MYT1L: variants seen among roughly 807,000 people sequenced by gnomAD.
The protein encoded by MYT1L is myelin transcription factor 1 like.
A neutral mutation model predicts 126.7 loss-of-function variants in MYT1L; 12 were observed. The ratio of observed to expected loss-of-function variants is 0.09; its 90% CI spans 0.06 to 0.15. The LOEUF is 0.15. Ranked by LOEUF, MYT1L falls within the 10% of genes least tolerant of loss-of-function variation. The pLI, the probability that MYT1L is intolerant of heterozygous loss-of-function variation, is 1.00. For synonymous variants in MYT1L, 541 were observed against 604.2 expected, an observed-to-expected ratio of 0.90 and a Z score of 1.53; for missense variants, 979 against 1,585.2, an observed-to-expected ratio of 0.62 and a Z score of 6.49.
chr2:1,905,894 CTAACT>C (rs1349074896), intron 13 of MYT1L, among the ~76,000 whole-genome samples: 1 of 152,170 alleles, frequency 6.6e-6, no homozygotes, highest in South Asian at 2.1e-4. Flanking sequence ...TGTTCCTTTC[CTAACT>C]TATTTTCCAC....
intron 19 of MYT1L, among the ~76,000 whole-genome samples, chr2:1,850,595 C>T (rs772101001): frequency 1.1e-4 from 16 of 152,164 alleles, no homozygotes; most frequent in Admixed American, 7.9e-4. Flanking sequence ...TTGAGCTCCT[C>T]TGGGTCCTTT....
At chr2:2,212,313 G>A (rs1185792994) in intron 2 of MYT1L, among the ~76,000 whole-genome samples, 8 of 151,358 alleles carry the variant, frequency 5.3e-5, no homozygotes, top group South Asian at 4.2e-4. Flanking sequence ...AGGAGCAGGC[G>A]AAATTTTAGG....
chr2:1,972,008 T>C (rs2059846626), intron 8 of MYT1L, among the ~76,000 whole-genome samples: 1 of 152,148 alleles, frequency 6.6e-6, no homozygotes, highest in Non-Finnish European at 1.5e-5. Flanking sequence ...ATATCAGTGA[T>C]GAATAGTACA....
At chr2:1,809,226 G>GCTGGGAC in intron 21 of MYT1L, 59 bp from the exon 22 acceptor site, 2 of 1,519,288 alleles carry the variant, frequency 1.3e-6, no homozygotes, top group Non-Finnish European at 1.8e-6. Context: ...GCCCTGCAGG[G>GCTGGGAC]AAGTGGTGGT....
chr2:1,886,760 A>C (rs2048229617), intron 17 of MYT1L, among the ~76,000 whole-genome samples, 153 bp from the exon 18 acceptor site: 1 of 152,244 alleles, frequency 6.6e-6, no homozygotes, highest in Non-Finnish European at 1.5e-5. Flanking sequence ...ATTAATTCTG[A>C]ATCGGTTCGA....
chr2:2,197,958 G>A (rs1305746477), intron 2 of MYT1L, among the ~76,000 whole-genome samples: 1 of 151,350 alleles, frequency 6.6e-6, no homozygotes, highest in African/African-American at 2.4e-5. Context: ...TGCATACAAT[G>A]AATATGTATA....
chr2:1,951,638 G>A (rs932416728), intron 8 of MYT1L, among the ~76,000 whole-genome samples: 7 of 152,160 alleles, frequency 4.6e-5, no homozygotes, highest in Non-Finnish European at 7.4e-5. Flanking sequence ...CTGTTTAACC[G>A]CGGGAGATGT....
chr2:2,101,699 T>G (rs1020434390), intron 3 of MYT1L, among the ~76,000 whole-genome samples: 4 of 152,008 alleles, frequency 2.6e-5, no homozygotes, highest in African/African-American at 9.7e-5. Flanking sequence ...CATCCATCCA[T>G]CCATTAATCC....
chr2:2,312,317 A>G (rs546275310), intron 1 of MYT1L, among the ~76,000 whole-genome samples: 1 of 152,198 alleles, frequency 6.6e-6, no homozygotes, highest in African/African-American at 2.4e-5. Flanking sequence ...TTTCACCTGC[A>G]TGCACTTCTA....
At chr2:2,262,364 AAAACAAAC>A (rs900740084) in intron 2 of MYT1L, among the ~76,000 whole-genome samples, 1 of 152,054 alleles carries the variant, frequency 6.6e-6, no homozygotes, top group Non-Finnish European at 1.5e-5. Context: ...ACTCCGTCTC[AAAACAAAC>A]AAACAAACAA....
At chr2:2,147,240 T>A (rs1484358197) in intron 3 of MYT1L, among the ~76,000 whole-genome samples, 1 of 152,200 alleles carries the variant, frequency 6.6e-6, no homozygotes, top group Non-Finnish European at 1.5e-5. Flanking sequence ...GACAGCCTCC[T>A]CAGCCTGGAT....
intron 18 of MYT1L, among the ~76,000 whole-genome samples, chr2:1,857,139 G>T (rs906896476): frequency 6.6e-6 from 1 of 152,140 alleles, no homozygotes; most frequent in African/African-American, 2.4e-5. Flanking sequence ...TCAGGGCCTG[G>T]GAGTCCTCCC....
At chr2:2,267,217 C>T (rs1329670285) in intron 2 of MYT1L, among the ~76,000 whole-genome samples, 1 of 152,218 alleles carries the variant, frequency 6.6e-6, no homozygotes, top group Non-Finnish European at 1.5e-5. Flanking sequence ...AGCAACAGCC[C>T]TGTGCTAGCT....
chr2:1,873,823 T>C (rs1290402637), intron 18 of MYT1L, among the ~76,000 whole-genome samples: 1 of 152,042 alleles, frequency 6.6e-6, no homozygotes, highest in Admixed American at 6.6e-5. Context: ...AGTAGACAAG[T>C]TCTAAAGAGT....
At chr2:2,085,486 C>A (rs1184087351) in intron 3 of MYT1L, among the ~76,000 whole-genome samples, 1 of 152,166 alleles carries the variant, frequency 6.6e-6, no homozygotes, top group Non-Finnish European at 1.5e-5. Context: ...CCCTTTCCCA[C>A]CCCCAGAATA....
rs1375024171 is a variant in MYT1L, at chr2:1,789,713, A to C, written c.*2154T>G. On this transcript the variant is annotated 3_prime_UTR_variant, in exon 25 of 25. Transcript: ENST00000647738. Reference sequence around the variant, plus strand: ...TATGAACAATGGGGGCCCTAAAGGCAGCTGGGGCCCTGGGCCACACGGACG... The same window carrying C: ...TATGAACAATGGGGGCCCTAAAGGCCGCTGGGGCCCTGGGCCACACGGACG... 6.6e-6 allele frequency: 1 copy of C among 152,228 alleles called. No homozygotes were observed. Among genetic ancestry groups the C allele is most frequent in the African/African-American group, 2.4e-5 (1 of 41,450 alleles). The allele number at this position is 152,228 out of a possible 1,614,324, so 9.4% of individuals were successfully genotyped here.
chr2:2,105,550 T>G (rs1044164930), intron 3 of MYT1L, among the ~76,000 whole-genome samples: 1 of 152,244 alleles, frequency 6.6e-6, no homozygotes, highest in African/African-American at 2.4e-5. Context: ...TATGTTCTTT[T>G]TTAATGACAA....
chr2:1,954,391 C>T (rs1209686285), intron 8 of MYT1L, among the ~76,000 whole-genome samples: 2 of 152,198 alleles, frequency 1.3e-5, no homozygotes, highest in Non-Finnish European at 2.9e-5. Flanking sequence ...CGAAAACAAA[C>T]ACCACACGTG....
chr2:2,320,000 G>A (rs1430799913), intron 1 of MYT1L, among the ~76,000 whole-genome samples: 1 of 152,120 alleles, frequency 6.6e-6, no homozygotes, highest in African/African-American at 2.4e-5. Context: ...TCTAGAAGAG[G>A]ACAGTGAGGA....
Sources: gnomAD v4.1 joint callset for allele counts (sites outside exome capture counted in the v4.1 genomes callset) on GRCh38, gnomAD v4.1.1 for gene constraint, MANE v1.5 for transcripts, NCBI Gene and HGNC (gene_info 2026-07-23, HGNC 2026-07-21) for gene names.